BEAN1: variants seen among roughly 807,000 people sequenced by gnomAD.
BEAN1 encodes protein BEAN1.
BEAN1 carries 17 observed loss-of-function variants against 17.7 expected under a neutral mutation model. The ratio of observed to expected loss-of-function variants is 0.96; its 90% CI spans 0.66 to 1.44. BEAN1 has a LOEUF of 1.44. Among genes scored for constraint, BEAN1 ranks in the 40% most tolerant of loss-of-function variants. BEAN1 has a pLI of 0.00. For synonymous variants in BEAN1, 142 were observed against 151.8 expected, an observed-to-expected ratio of 0.94 and a Z score of 0.47; for missense variants, 359 against 374.1, an observed-to-expected ratio of 0.96 and a Z score of 0.33.
chr16:66,480,724 C>T lies in BEAN1; in HGVS notation c.579C>T (p.His193=). Residue 193 remains histidine, a synonymous_variant, in exon 5 of 5, where the codon CAC becomes CAT. Transcript: ENST00000536005. ...DSGSGHSPGR[H]QQEQRTPAQG... ...GCAGCGGCCACAGCCCTGGCCGACA[C>T]CAGCAGGAGCAGAGGACCCCGGCCC... 1.3e-6 allele frequency: 2 copies of T among 1,551,680 alleles called. No homozygotes were observed. The highest frequency in any genetic ancestry group is 1.4e-5 in the African/African-American group (1 of 73,192).
At chr16:66,464,774 A>G (rs961620906) in intron 2 of BEAN1, among the ~76,000 whole-genome samples, 4 of 152,212 alleles carry the variant, frequency 2.6e-5, no homozygotes, top group African/African-American at 9.7e-5. Context: ...ACCTTGCTGA[A>G]TTTATTAGTT....
chr16:66,447,450 A>G (rs939817156), intron 2 of BEAN1, among the ~76,000 whole-genome samples: 2 of 152,172 alleles, frequency 1.3e-5, no homozygotes, highest in Admixed American at 1.3e-4. Flanking sequence ...CTCAGTGAGC[A>G]TGTGTTCTTT....
At chr16:66,433,676 C>CT (rs1961894964) in intron 1 of BEAN1, among the ~76,000 whole-genome samples, 1 of 152,230 alleles carries the variant, frequency 6.6e-6, no homozygotes. Context: ...GTGTTGTCAT[C>CT]TGTGAATTGG....
intron 2 of BEAN1, among the ~76,000 whole-genome samples, chr16:66,440,820 A>C (rs965291253): frequency 1.3e-5 from 2 of 152,108 alleles, no homozygotes; most frequent in Non-Finnish European, 2.9e-5. Context: ...CCCAAACTGA[A>C]TTCTTTGTCT....
chr16:66,457,970 T>A (rs779960485), intron 2 of BEAN1, among the ~76,000 whole-genome samples: 7 of 152,140 alleles, frequency 4.6e-5, no homozygotes, highest in Admixed American at 2.0e-4. Context: ...ACTCCACGCC[T>A]CACCCTGTCC....
intron 2 of BEAN1, among the ~76,000 whole-genome samples, chr16:66,460,275 G>A (rs1407542855): frequency 6.6e-6 from 1 of 152,208 alleles, no homozygotes; most frequent in Non-Finnish European, 1.5e-5. Flanking sequence ...TAAGATGGAG[G>A]AAAGACACTC....
intron 1 of BEAN1, among the ~76,000 whole-genome samples, chr16:66,429,904 G>A (rs76533447): frequency 2.0e-4 from 30 of 152,274 alleles, no homozygotes; most frequent in East Asian, 1.4e-3. Flanking sequence ...ATAATCAGCC[G>A]GACACCCTCA....
At chr16:66,437,731 C>T (rs1041920375) in intron 2 of BEAN1, 30 bp downstream of exon 2, 1 of 1,529,766 alleles carries the variant, frequency 6.5e-7, no homozygotes, top group South Asian at 1.2e-5. Flanking sequence ...CCTTCCACCA[C>T]TTGGGGCCAG....
downstream of BEAN1, chr16:66,484,222 G>T (rs1964053581): frequency 3.7e-6 from 1 of 271,472 alleles, no homozygotes; most frequent in African/African-American, 2.2e-5. The surrounding 1 kb of genome is among the most constrained non-coding windows in gnomAD (Gnocchi z 4.2). Context: ...ACTAGGCATG[G>T]CTCTGGTGCC....
At position 66,471,637 on chromosome 16, in the gene BEAN1, G is replaced by C. The variant is rs1963487871; in HGVS notation, c.289+1772G>C. Among the ~76,000 whole-genome samples, 1 of 152,200 alleles carries C rather than the reference G, an allele frequency of 6.6e-6. No homozygotes were observed. Among genetic ancestry groups the C allele is most frequent in the Non-Finnish European group, 1.5e-5 (1 of 68,026 alleles). On this transcript the variant is annotated intron_variant, in intron 3 of 4. Transcript: ENST00000536005. The surrounding 1 kb of genome is among the most constrained non-coding windows in gnomAD (Gnocchi z 4.7). ...CAGAGGGACATCCCGGGATGAGTCG[G>C]ACAAGTGGCCACAGTTGAGGAAAGA...
chr16:66,429,152 C>T (rs888456294), intron 1 of BEAN1, among the ~76,000 whole-genome samples: 4 of 152,120 alleles, frequency 2.6e-5, no homozygotes, highest in Admixed American at 1.3e-4. Context: ...TTGGACACAC[C>T]GATGGTGACG....
downstream of BEAN1, chr16:66,484,752 C>A: frequency 2.2e-6 from 1 of 453,864 alleles, no homozygotes; most frequent in South Asian, 1.6e-5. This position sits in a 1 kb window ranked among gnomAD's most constrained non-coding sequence, Gnocchi z 4.2. Context: ...GGCCACTGAG[C>A]GCAGTCCCAC....
At chr16:66,490,715 T>C (rs960552190) in intron 4 of BEAN1, among the ~76,000 whole-genome samples, 1 of 151,968 alleles carries the variant, frequency 6.6e-6, no homozygotes, top group African/African-American at 2.4e-5. Flanking sequence ...CTGGATGGGA[T>C]GGTAGTGTGG....
At chr16:66,479,672 G>A (rs1963910135) in intron 4 of BEAN1, among the ~76,000 whole-genome samples, 2 of 152,192 alleles carry the variant, frequency 1.3e-5, no homozygotes, top group South Asian at 2.1e-4. Context: ...CTGAGGCAGA[G>A]ACTGGCCTTA....
chr16:66,441,495 T>G (rs761315975), intron 2 of BEAN1, among the ~76,000 whole-genome samples: 4 of 152,146 alleles, frequency 2.6e-5, no homozygotes, highest in African/African-American at 4.8e-5. Context: ...GCCAGGTACA[T>G]GTGAAGATAC....
rs556049712 is a variant in BEAN1, at chr16:66,477,768, C to T, written c.440+58C>T. On this transcript the variant is annotated intron_variant, in intron 4 of 4. Coordinates refer to ENST00000536005, the MANE Select transcript of BEAN1 (RefSeq NM_001178020.3). ...AGGATGGGGCCCTGGACACAAAGAC[C>T]CCCCAACTCCATCATGGGAAAGAGT... The T allele has an allele frequency of 9.9e-4, 1,414 of 1,429,372 alleles. 1 individual carries two copies. Among genetic ancestry groups the T allele is most frequent in the Non-Finnish European group, 1.3e-3 (1,364 of 1,079,660 alleles). The allele number at this position is 1,429,372 out of a possible 1,614,324, so 88.5% of individuals were successfully genotyped here. A position where few individuals can be genotyped will look rare whatever the true frequency, so the allele number is the denominator to read the frequency against.
At chr16:66,490,454 T>TAAAATAAAATAAAATAAAAA (rs772932259) in intron 4 of BEAN1, among the ~76,000 whole-genome samples, 1 of 45,128 alleles carries the variant, frequency 2.2e-5, no homozygotes, top group African/African-American at 6.4e-5. Flanking sequence ...TAAAATAAAA[T>TAAAATAAAATAAAATAAAAA]AATAAAATAA....
chr16:66,481,540 C>G lies in BEAN1; in HGVS notation c.*615C>G. ...CACTTACAAGGTGGGGGACCTGGGT[C>G]TGGGGTCTCAGGCGCAAACTGGAGG... On this transcript the variant is annotated 3_prime_UTR_variant, in exon 5 of 5. Coordinates refer to ENST00000536005, the MANE Select transcript of BEAN1 (RefSeq NM_001178020.3). This position sits in a 1 kb window ranked among gnomAD's most constrained non-coding sequence, Gnocchi z 4.1. The G allele has an allele frequency of 3.3e-6, 1 of 301,044 alleles. No individual in the cohort carries two copies. Among genetic ancestry groups the G allele is most frequent in the Non-Finnish European group, 6.1e-6 (1 of 164,742 alleles). 18.6% of individuals were successfully genotyped at this position (301,044 alleles called of 1,614,324 possible). A position where few individuals can be genotyped will look rare whatever the true frequency, so the allele number is the denominator to read the frequency against.
At chr16:66,440,558 G>T (rs1962216891) in intron 2 of BEAN1, among the ~76,000 whole-genome samples, 1 of 152,150 alleles carries the variant, frequency 6.6e-6, no homozygotes, top group Non-Finnish European at 1.5e-5. Context: ...TTTGGCAGTG[G>T]TGGAAGAGCA....
Sources: allele counts gnomAD v4.1 joint callset (sites outside exome capture counted in the v4.1 genomes callset), GRCh38; gene constraint gnomAD v4.1.1; non-coding constraint Gnocchi (gnomAD v3.1); transcripts MANE v1.5; gene names NCBI Gene and HGNC (gene_info 2026-07-23, HGNC 2026-07-21).